The following RETREG1 variants were observed in gnomAD, a reference collection of about 807,000 sequenced individuals.
The protein encoded by RETREG1 is reticulophagy regulator 1, also known as family with sequence similarity 134 member B.
In RETREG1, 44 loss-of-function variants were observed where a neutral mutation model predicts 54.8. The ratio of observed to expected loss-of-function variants is 0.80; its 90% CI spans 0.63 to 1.03. The LOEUF (loss-of-function observed/expected upper bound fraction) is 1.03, where lower values mean the gene tolerates loss of function less well. Among genes scored for constraint, RETREG1 ranks in the 50% least tolerant of loss-of-function variants. The probability of loss-of-function intolerance (pLI) is 0.00; values close to 1 mark genes in which losing one functional copy is unlikely to be tolerated. For synonymous variants in RETREG1, 217 were observed against 238.5 expected, an observed-to-expected ratio of 0.91 and a Z score of 0.83; for missense variants, 554 against 605.1, an observed-to-expected ratio of 0.92 and a Z score of 0.89.
chr5:16,564,652 C>T (rs1252974522), intron 3 of RETREG1, among the ~76,000 whole-genome samples: 1 of 152,186 alleles, frequency 6.6e-6, no homozygotes, highest in South Asian at 2.1e-4. Flanking sequence ...GGGGCCAGCC[C>T]ACCCCTCCCA....
At chr5:16,516,840 C>A (rs1740372686) in intron 3 of RETREG1, among the ~76,000 whole-genome samples, 1 of 152,090 alleles carries the variant, frequency 6.6e-6, no homozygotes, top group South Asian at 2.1e-4. Context: ...GTGGCTCATG[C>A]CTGTAATCTC....
At chr5:16,559,870 G>T (rs1741810987) in intron 3 of RETREG1, among the ~76,000 whole-genome samples, 1 of 152,196 alleles carries the variant, frequency 6.6e-6, no homozygotes, top group Non-Finnish European at 1.5e-5. Context: ...TATGGATCAG[G>T]TTTCAATTCA....
At chr5:16,545,269 C>T (rs911187886) in intron 3 of RETREG1, among the ~76,000 whole-genome samples, 2 of 152,060 alleles carry the variant, frequency 1.3e-5, no homozygotes, top group African/African-American at 4.8e-5. Flanking sequence ...CCTAACCATA[C>T]CTTTATTTTC....
chr5:16,523,196 G>A (rs564778940), intron 3 of RETREG1, among the ~76,000 whole-genome samples: 6 of 152,136 alleles, frequency 3.9e-5, no homozygotes, highest in East Asian at 1.9e-4. Flanking sequence ...CCATCGGTAC[G>A]ACACTATGAA....
intron 1 of RETREG1, among the ~76,000 whole-genome samples, chr5:16,614,717 T>A (rs1743442706): frequency 6.6e-6 from 1 of 152,192 alleles, no homozygotes; most frequent in Non-Finnish European, 1.5e-5. Context: ...ATGTACAGGG[T>A]CATTAGCTAT....
At chr5:16,558,890 A>G (rs1332428717) in intron 3 of RETREG1, among the ~76,000 whole-genome samples, 2 of 152,264 alleles carry the variant, frequency 1.3e-5, no homozygotes, top group Non-Finnish European at 2.9e-5. Context: ...AGTCATAAAT[A>G]TAAAAAATAC....
chr5:16,513,613 C>G (rs334473), intron 3 of RETREG1, among the ~76,000 whole-genome samples: 127,949 of 152,226 alleles, frequency 0.84, 53,860 homozygotes, highest in Middle Eastern at 0.88. Context: ...AGCCCCAAAG[C>G]CTCACTCTTA....
chr5:16,480,927 C>A, intron 5 of RETREG1, 82 bp downstream of exon 5: 1 of 892,484 alleles, frequency 1.1e-6, no homozygotes, highest in South Asian at 1.3e-5. Context: ...ACTCATCCCC[C>A]CTCTTCAAAC....
intron 3 of RETREG1, among the ~76,000 whole-genome samples, chr5:16,548,891 T>C (rs1184498130): frequency 6.6e-6 from 1 of 152,236 alleles, no homozygotes; most frequent in East Asian, 1.9e-4. Context: ...ACCCAATCTA[T>C]GGTATTCTGT....
chr5:16,491,971 C>T (rs574437331), intron 3 of RETREG1, among the ~76,000 whole-genome samples: 1 of 152,144 alleles, frequency 6.6e-6, no homozygotes, highest in South Asian at 2.1e-4. Context: ...AAACTTGAGC[C>T]TTAATGTGTG....
chr5:16,531,914 A>C (rs529260408), intron 3 of RETREG1, among the ~76,000 whole-genome samples: 9 of 152,332 alleles, frequency 5.9e-5, no homozygotes, highest in African/African-American at 2.2e-4. Context: ...CCTTTACACC[A>C]GTATGAGTTG....
At chr5:16,534,621 A>G (rs1052781871) in intron 3 of RETREG1, among the ~76,000 whole-genome samples, 2 of 152,202 alleles carry the variant, frequency 1.3e-5, no homozygotes, top group African/African-American at 4.8e-5. Context: ...ATATTTCTGT[A>G]CTCATATCAA....
intron 3 of RETREG1, among the ~76,000 whole-genome samples, chr5:16,507,285 G>T (rs1451098266): frequency 6.6e-6 from 1 of 152,138 alleles, no homozygotes. Flanking sequence ...TATTAAAAAT[G>T]CCTGTTCTGT....
intron 1 of RETREG1, among the ~76,000 whole-genome samples, chr5:16,583,331 C>CA (rs112195480): frequency 0.21 from 30,415 of 142,520 alleles, 3,958 homozygotes; most frequent in African/African-American, 0.39. Context: ...ACCAAAAATA[C>CA]AAAAAAAAAA....
At chr5:16,577,732 G>C (rs1579702187) in intron 1 of RETREG1, among the ~76,000 whole-genome samples, 1 of 152,126 alleles carries the variant, frequency 6.6e-6, no homozygotes, top group East Asian at 1.9e-4. Context: ...CCCAATGGGA[G>C]ACAATTGAAT....
intron 3 of RETREG1, among the ~76,000 whole-genome samples, chr5:16,509,959 A>T (rs766659477): frequency 6.6e-6 from 1 of 152,202 alleles, no homozygotes; most frequent in Non-Finnish European, 1.5e-5. Context: ...GTGCCACTGC[A>T]CTCCAGCCTG....
chr5:16,499,952 T>C (rs1739633223), intron 3 of RETREG1, among the ~76,000 whole-genome samples: 1 of 152,182 alleles, frequency 6.6e-6, no homozygotes, highest in Admixed American at 6.5e-5. Flanking sequence ...CAGAGCAACA[T>C]CTTTTATACT....
intron 5 of RETREG1, among the ~76,000 whole-genome samples, chr5:16,479,784 A>C (rs1228344496): frequency 1.3e-5 from 2 of 152,134 alleles, no homozygotes; most frequent in African/African-American, 4.8e-5. Flanking sequence ...ATTTTAAAAT[A>C]AGAGCTACAA....
At chr5:16,548,257 T>C (rs1684387220) in intron 3 of RETREG1, among the ~76,000 whole-genome samples, 1 of 152,214 alleles carries the variant, frequency 6.6e-6, no homozygotes, top group Admixed American at 6.5e-5. Flanking sequence ...GCTTTGGACT[T>C]GGCCATGTGA....
Sources: allele counts gnomAD v4.1 joint callset (sites outside exome capture counted in the v4.1 genomes callset), GRCh38; gene constraint gnomAD v4.1.1; transcripts MANE v1.5; gene names NCBI Gene and HGNC (gene_info 2026-07-23, HGNC 2026-07-21).